The following UMODL1 variants were observed in gnomAD, a reference collection of about 807,000 sequenced individuals.
UMODL1 encodes uromodulin-like 1.
Under a neutral mutation model 136.3 loss-of-function variants are expected in UMODL1, and 128 were observed. The ratio of observed to expected loss-of-function variants is 0.94; its 90% CI spans 0.81 to 1.09. The LOEUF (loss-of-function observed/expected upper bound fraction) is 1.09, where lower values mean the gene tolerates loss of function less well. UMODL1 is among the 50% of genes least tolerant of loss of function. The probability of loss-of-function intolerance (pLI) is 0.00; values close to 1 mark genes in which losing one functional copy is unlikely to be tolerated. For synonymous variants in UMODL1, 721 were observed against 720.0 expected, an observed-to-expected ratio of 1.00 and a Z score of -0.02; for missense variants, 1,766 against 1,725.6, an observed-to-expected ratio of 1.02 and a Z score of -0.41.
At chr21:42,089,985 G>A (rs1207211594) in intron 5 of UMODL1, among the ~76,000 whole-genome samples, 1 of 152,128 alleles carries the variant, frequency 6.6e-6, no homozygotes, top group Non-Finnish European at 1.5e-5. Context: ...GGATGTTTTG[G>A]CCCCACCTTT....
At chr21:42,076,273 G>A in intron 2 of UMODL1, 26 bp downstream of exon 2, 2 of 1,610,862 alleles carry the variant, frequency 1.2e-6, no homozygotes. Context: ...CTGGGCTGGG[G>A]CGGGGCCACC....
rs895461102 is a variant in UMODL1, at chr21:42,075,895, T to C, written c.77-110T>C. 16 of 1,504,254 alleles carry C rather than the reference T, an allele frequency of 1.1e-5. No individual in the cohort carries two copies. The Middle Eastern group carries it at 6.6e-4, about 62-fold the overall frequency. 93.2% of individuals were successfully genotyped at this position (1,504,254 alleles called of 1,614,324 possible). A position where few individuals can be genotyped will look rare whatever the true frequency, so the allele number is the denominator to read the frequency against. On this transcript the variant is annotated intron_variant, in intron 1 of 22. Transcript: ENST00000408910. ...GCAGCTTCTGAGAGGCCTGCGCGAG[T>C]GCGGGAGGTGTGCTCTCACTTGCTA...
chr21:42,092,515 TTGG>T (rs1382144860), intron 6 of UMODL1, among the ~76,000 whole-genome samples: 4 of 152,228 alleles, frequency 2.6e-5, no homozygotes, highest in African/African-American at 9.6e-5. Context: ...ATGATAATTA[TTGG>T]TGGTTGAAAA....
Position 42,111,557 on chromosome 21 carries a change from G to A in UMODL1, c.1951G>A (p.Asp651Asn), listed in dbSNP as rs764140954. Residue 651 changes from aspartate (D) to asparagine (N), a missense_variant, in exon 12 of 23, where the codon GAC becomes AAC. Physicochemically the swap from Asp to Asn is conservative, Grantham distance 23. Transcript: ENST00000408910. ...EPPSWPSPTE[D>N]PTGHFLWHAT... ...ACCCTCCTGGCCTTCCCCTACTGAG[G>A]ACCCCACCGGCCACTTCCTGTGGCA... 2.5e-6 allele frequency: 4 copies of A among 1,614,074 alleles called. No individual in the cohort carries two copies. Among genetic ancestry groups the A allele is most frequent in the Admixed American group, 1.7e-5 (1 of 60,014 alleles).
chr21:42,139,707 G>A (rs1441954187), intron 22 of UMODL1, among the ~76,000 whole-genome samples: 4 of 152,144 alleles, frequency 2.6e-5, no homozygotes, highest in East Asian at 1.9e-4. Context: ...TGGCCTCATC[G>A]CTGGGATTCG....
intron 6 of UMODL1, among the ~76,000 whole-genome samples, chr21:42,091,318 C>T (rs187017936): frequency 1.3e-5 from 2 of 152,302 alleles, no homozygotes; most frequent in East Asian, 1.9e-4. Flanking sequence ...TCCCTAGCAT[C>T]GCGGGATCAG....
Position 42,127,697 on chromosome 21 carries a change from A to G in UMODL1, c.3556A>G (p.Asn1186Asp). The G allele has an allele frequency of 1.9e-6, 3 of 1,614,082 alleles. No homozygotes were observed. The highest frequency in any genetic ancestry group is 2.5e-6 in the Non-Finnish European group (3 of 1,179,990). The change falls in exon 20 of 23, where the codon AAC becomes GAC. Residue 1186 changes from asparagine to aspartate, a missense_variant. Asn to Asp is a conservative substitution (Grantham distance 23). Transcript: ENST00000408910. Reference protein sequence around the residue: ...NSCPVPNTYTNVIENGNSNKA... With the variant: ...NSCPVPNTYTDVIENGNSNKA... ...CTGCCCTGTGCCCAACACATACACC[A>G]ACGTGATTGAGAACGGCAACTCCAA...
At chr21:42,065,914 C>A (rs373407159) in intron 1 of UMODL1, among the ~76,000 whole-genome samples, 21 of 152,202 alleles carry the variant, frequency 1.4e-4, no homozygotes, top group African/African-American at 4.8e-4. Flanking sequence ...CTCCAGACCA[C>A]GCTGCCCTCC....
At position 42,111,020 on chromosome 21, in the gene UMODL1, G is replaced by T. The variant is rs760843093; in HGVS notation, c.1798G>T (p.Ala600Ser). Residue 600 changes from alanine (A) to serine (S), a missense_variant, in exon 11 of 23, where the codon GCA becomes TCA. Coordinates refer to ENST00000408910, the MANE Select transcript of UMODL1 (RefSeq NM_001004416.3). ...PSPGYPQGTP[A>S]AGQAWTPEPS... Reference sequence around the variant, plus strand: ...TCCTGGGTACCCTCAGGGCACCCCGGCAGCAGGCCAGGCCTGGACCCCAGA... The same window carrying T: ...TCCTGGGTACCCTCAGGGCACCCCGTCAGCAGGCCAGGCCTGGACCCCAGA... 9.3e-6 allele frequency: 15 copies of T among 1,612,994 alleles called. No homozygotes were observed. Among genetic ancestry groups the T allele is most frequent in the Admixed American group, 1.7e-5 (1 of 59,888 alleles).
At chr21:42,066,065 C>T (rs2066180674) in intron 1 of UMODL1, among the ~76,000 whole-genome samples, 1 of 152,224 alleles carries the variant, frequency 6.6e-6, no homozygotes, top group South Asian at 2.1e-4. Context: ...ATGCGGTTAT[C>T]AATAGGCTCC....
At chr21:42,081,102 C>T (rs1441080511) in intron 2 of UMODL1, among the ~76,000 whole-genome samples, 1 of 152,226 alleles carries the variant, frequency 6.6e-6, no homozygotes, top group African/African-American at 2.4e-5. Flanking sequence ...CAGCTCTGCA[C>T]AGGATCAACC....
chr21:42,109,078 T>A, intron 9 of UMODL1, among the ~76,000 whole-genome samples: 1 of 104,668 alleles, frequency 9.6e-6, no homozygotes, highest in Admixed American at 9.5e-5. Flanking sequence ...TATACTCCGC[T>A]GGACCCCCAC....
At chr21:42,096,650 C>T (rs976078213) in intron 6 of UMODL1, among the ~76,000 whole-genome samples, 6 of 152,146 alleles carry the variant, frequency 3.9e-5, no homozygotes, top group African/African-American at 1.2e-4. Flanking sequence ...TCTCGCTCTG[C>T]GTCAAGTTTG....
chr21:42,090,336 T>C lies in UMODL1; in HGVS notation c.829T>C (p.Ser277Pro). Residue 277 changes from serine to proline, a missense_variant, in exon 6 of 23, where the codon TCT (serine) becomes CCT (proline). Physicochemically the swap from Ser to Pro is moderately conservative, Grantham distance 74 (BLOSUM62 -1). Transcript: ENST00000408910. The stretch of plus-strand genomic sequence containing the variant: ...TTTCTATGAGGAGCTCAATGCCTGC[T>C]CTGGAAGGGAACTGTGCGCAAACCT... The part of the protein sequence containing the change: ...ECFYEELNAC[S>P]GRELCANLEG... 1 of 1,614,182 alleles carries C rather than the reference T, an allele frequency of 6.2e-7. No individual in the cohort carries two copies. The highest frequency in any genetic ancestry group is 1.1e-5 in the South Asian group (1 of 91,086).
chr21:42,119,189 A>G lies in UMODL1; in HGVS notation c.2554A>G (p.Asn852Asp). The G allele has an allele frequency of 6.2e-7, 1 of 1,614,174 alleles. No homozygotes were observed. The highest frequency in any genetic ancestry group is 8.5e-7 in the Non-Finnish European group (1 of 1,180,010). Reference sequence around the variant, plus strand: ...CAGGATGGAAGTCGTCAGCGTCACCAACGGCAGCATCGTGGTGGAGTTTCA... The same window carrying G: ...CAGGATGGAAGTCGTCAGCGTCACCGACGGCAGCATCGTGGTGGAGTTTCA... ...GVRMEVVSVTNGSIVVEFHLL... is the reference protein window; with the variant it reads ...GVRMEVVSVTDGSIVVEFHLL... Residue 852 changes from asparagine (N) to aspartate (D), a missense_variant, in exon 15 of 23, where the codon AAC becomes GAC. Transcript: ENST00000408910.
chr21:42,067,056 C>T (rs1196940320), upstream of UMODL1, among the ~76,000 whole-genome samples: 1 of 151,670 alleles, frequency 6.6e-6, no homozygotes, highest in South Asian at 2.1e-4. Flanking sequence ...CTCACTGCAA[C>T]CTCCGCCTCC....
rs1379317247 is a variant in UMODL1, at chr21:42,099,046, A to T, written c.1052A>T (p.Glu351Val). Residue 351 changes from glutamate to valine, a missense_variant, in exon 7 of 23, where the codon GAG becomes GTG. By Grantham distance (121) the Glu-to-Val change is moderately radical. Coordinates refer to ENST00000408910, the MANE Select transcript of UMODL1 (RefSeq NM_001004416.3). This position sits in a 1 kb window ranked among gnomAD's most constrained non-coding sequence, Gnocchi z 4.1. The stretch of plus-strand genomic sequence containing the variant: ...CATGTCCGGGTTTACCGGGGTATGG[A>T]GTTGCTCAGGAGCGCCAGGACACAG... ...TFHVRVYRGM[E>V]LLRSARTQSQ... The T allele has an allele frequency of 6.2e-7, 1 of 1,614,022 alleles. No homozygotes were observed. The highest frequency in any genetic ancestry group is 1.3e-5 in the African/African-American group (1 of 74,906).
At chr21:42,134,798 T>C (rs998923494) in intron 21 of UMODL1, among the ~76,000 whole-genome samples, 18 of 151,116 alleles carry the variant, frequency 1.2e-4, no homozygotes, top group Non-Finnish European at 1.8e-4. Flanking sequence ...TTTTTTTATA[T>C]TTTTTTAGTA....
chr21:42,096,266 G>A (rs966253429), intron 6 of UMODL1, among the ~76,000 whole-genome samples: 1 of 152,104 alleles, frequency 6.6e-6, no homozygotes, highest in African/African-American at 2.4e-5. Context: ...TGGATTAGAT[G>A]AGATTCTTTT....
Sources: gnomAD v4.1 joint callset for allele counts (sites outside exome capture counted in the v4.1 genomes callset) on GRCh38, gnomAD v4.1.1 for gene constraint, Gnocchi (gnomAD v3.1) non-coding constraint, MANE v1.5 for transcripts, NCBI Gene and HGNC (gene_info 2026-07-23, HGNC 2026-07-21) for gene names.